The following PPP4R1 variants were observed in gnomAD, a reference collection of about 807,000 sequenced individuals.
PPP4R1 encodes serine/threonine-protein phosphatase 4 regulatory subunit 1.
PPP4R1 carries 42 observed loss-of-function variants against 111.2 expected under a neutral mutation model. The observed-to-expected ratio is 0.38, with a 90% confidence interval of 0.29 to 0.49. PPP4R1 has a LOEUF of 0.49. PPP4R1 is among the 20% of genes least tolerant of loss of function. The pLI is 0.97. For synonymous variants in PPP4R1, 409 were observed against 405.5 expected, an observed-to-expected ratio of 1.01 and a Z score of -0.10; for missense variants, 1,012 against 1,161.6, an observed-to-expected ratio of 0.87 and a Z score of 1.87.
chr18:9,584,236 G>C (rs1287578017), intron 8 of PPP4R1, among the ~76,000 whole-genome samples: 3 of 152,098 alleles, frequency 2.0e-5, no homozygotes. Flanking sequence ...TAAAATTAAA[G>C]GTTCAATTGA....
At chr18:9,607,783 CTTTTTTTT>C (rs59033925) in intron 2 of PPP4R1, among the ~76,000 whole-genome samples, 28 of 125,340 alleles carry the variant, frequency 2.2e-4, no homozygotes, top group Admixed American at 1.1e-3. Context: ...TTCTTTCTTT[CTTTTTTTT>C]TTTTTTTTTT....
In PPP4R1 at chr18:9,610,867, T is replaced by TACACAC. The variant is rs60173784; in HGVS notation, c.52+3353_52+3358dup. 8.8e-3 allele frequency among the ~76,000 whole-genome samples: 1,312 copies of TACACAC among 149,880 alleles called. 10 individuals are homozygous for TACACAC. The highest frequency in any genetic ancestry group is 0.015 in the African/African-American group (599 of 40,798). On this transcript the variant is annotated intron_variant, in intron 2 of 19. Transcript: ENST00000400556. ...GAAACTCCTTCAATGAAATTATGTG[T>TACACAC]ACACACACACACACACACACACACA...
chr18:9,578,000 TG>T (rs1164768132), intron 9 of PPP4R1, among the ~76,000 whole-genome samples: 1 of 152,220 alleles, frequency 6.6e-6, no homozygotes, highest in Admixed American at 6.5e-5. Context: ...ACAAAGATCT[TG>T]AAGCATATAC....
At chr18:9,555,527 G>A (rs2066558517) in intron 15 of PPP4R1, among the ~76,000 whole-genome samples, 1 of 152,058 alleles carries the variant, frequency 6.6e-6, no homozygotes, top group Non-Finnish European at 1.5e-5. Flanking sequence ...ATTTTACAAT[G>A]GAGTTGTCAG....
chr18:9,616,238 G>C (rs2067686417), upstream of PPP4R1, among the ~76,000 whole-genome samples: 1 of 148,044 alleles, frequency 6.8e-6, no homozygotes, highest in Admixed American at 6.9e-5. Context: ...GGGGAAGAAA[G>C]AGCCAAATCA....
At chr18:9,548,503 T>C (rs1050662646) in intron 19 of PPP4R1, among the ~76,000 whole-genome samples, 1 of 152,252 alleles carries the variant, frequency 6.6e-6, no homozygotes, top group South Asian at 2.1e-4. Flanking sequence ...GTCTCTTGCC[T>C]AATGAAGAGA....
intron 2 of PPP4R1, among the ~76,000 whole-genome samples, chr18:9,611,124 C>T (rs1408815280): frequency 6.6e-6 from 1 of 152,210 alleles, no homozygotes; most frequent in East Asian, 1.9e-4. Flanking sequence ...ACAGAACTTA[C>T]TGTCTCTTCC....
At chr18:9,554,456 C>G (rs1302927517) in intron 15 of PPP4R1, among the ~76,000 whole-genome samples, 2 of 151,434 alleles carry the variant, frequency 1.3e-5, no homozygotes, top group Admixed American at 6.6e-5. Flanking sequence ...ATTAATGTTA[C>G]TAAGAACAGA....
rs190160294 is a variant in PPP4R1 at position 9,559,517 on chromosome 18, G to A, written c.1930C>T (p.His644Tyr). ...AQTVDTEIAK[H>Y]CAYSLPGVAL... ...ACACCAGGGAGGCTATATGCACAGT[G>A]CTTAGCAATTTCAGTGTCAACCGTC... Residue 644 changes from histidine (H) to tyrosine (Y), a missense_variant, in exon 14 of 20, where the codon CAC (histidine) becomes TAC (tyrosine). Around this residue, in one of 2 missense-constraint regions of PPP4R1, gnomAD observed 305 missense variants for 419.5 expected, o/e 0.73. Coordinates refer to ENST00000400556, the MANE Select transcript of PPP4R1 (RefSeq NM_001042388.3). 2 of 1,613,814 alleles carry A rather than the reference G, an allele frequency of 1.2e-6. No individual in the cohort carries two copies. Among genetic ancestry groups the A allele is most frequent in the East Asian group, 4.5e-5 (2 of 44,886 alleles).
intron 2 of PPP4R1, among the ~76,000 whole-genome samples, chr18:9,608,937 G>T (rs1345609904): frequency 6.6e-6 from 1 of 152,156 alleles, no homozygotes; most frequent in African/African-American, 2.4e-5. Context: ...TCACAGGCAG[G>T]AACAAACAAA....
At chr18:9,591,090 G>A (rs1044469144) in intron 4 of PPP4R1, among the ~76,000 whole-genome samples, 3 of 152,268 alleles carry the variant, frequency 2.0e-5, no homozygotes, top group African/African-American at 7.2e-5. Context: ...GCTCATGTCT[G>A]TAATACCAGC....
Position 9,585,569 on chromosome 18 carries a change from A to G in PPP4R1, c.586-741T>C, listed in dbSNP as rs77881450. Among the ~76,000 whole-genome samples, 37 of 152,354 alleles carry G rather than the reference A, an allele frequency of 2.4e-4. No individual in the cohort carries two copies. In the East Asian group the frequency reaches 4.8e-3, roughly 20 times the overall value. On this transcript the variant is annotated intron_variant, in intron 6 of 19. Transcript: ENST00000400556. ...TACAAACAGGACAAAATAAAGAAGT[A>G]AAAGAGATACAGATTGCAAAGAAAG...
intron 4 of PPP4R1, chr18:9,590,101 G>A (rs1185408503): frequency 6.6e-6 from 1 of 152,154 alleles, no homozygotes; most frequent in Non-Finnish European, 1.5e-5. Context: ...AGACAGACAT[G>A]ATGGATTATC....
In PPP4R1 at chr18:9,547,964, A is replaced by T; in HGVS notation, c.2690-12T>A. The stretch of plus-strand genomic sequence containing the variant: ...GGCCAAGAAATAGTCTGGAAATGAC[A>T]TGTGCATAGGACAGATGAAACCAGT... On this transcript the variant is annotated splice_polypyrimidine_tract_variant and intron_variant, in intron 19 of 19. Coordinates refer to ENST00000400556, the MANE Select transcript of PPP4R1 (RefSeq NM_001042388.3). 6.2e-7 allele frequency: 1 copy of T among 1,613,500 alleles called. No individual in the cohort carries two copies. The highest frequency in any genetic ancestry group is 8.5e-7 in the Non-Finnish European group (1 of 1,179,886).
At chr18:9,606,412 A>G (rs1246176763) in intron 2 of PPP4R1, among the ~76,000 whole-genome samples, 1 of 152,244 alleles carries the variant, frequency 6.6e-6, no homozygotes, top group Non-Finnish European at 1.5e-5. Context: ...AACAAAGATC[A>G]TATGGTCCAC....
chr18:9,558,699 G>GC (rs10686779), intron 14 of PPP4R1, among the ~76,000 whole-genome samples: 38,911 of 147,970 alleles, frequency 0.26, 5,416 homozygotes, highest in Middle Eastern at 0.36. Flanking sequence ...TAATCAGACT[G>GC]TTTTTTTTTT....
At chr18:9,574,835 A>C (rs1476893985) in intron 10 of PPP4R1, among the ~76,000 whole-genome samples, 4 of 152,262 alleles carry the variant, frequency 2.6e-5, no homozygotes, top group Non-Finnish European at 5.9e-5. Context: ...GGATGGAACA[A>C]GAAGCTTCCC....
intron 2 of PPP4R1, among the ~76,000 whole-genome samples, chr18:9,598,589 A>AT: frequency 6.6e-6 from 1 of 152,036 alleles, no homozygotes; most frequent in Non-Finnish European, 1.5e-5. Context: ...TGAAATAAAG[A>AT]TTTTTTTCAG....
rs1489208659 is a variant in PPP4R1, at chr18:9,556,135, T to TG, written c.2190+1085_2190+1086insC. ...AAGATCCTGCCACTGCACTCCAGCC[T>TG]TGTGACAGAGCGAGACTCCGAATAT... is the stretch of plus-strand genomic sequence containing the variant. On this transcript the variant is annotated intron_variant, in intron 15 of 19. Transcript: ENST00000400556. 4.7e-4 allele frequency among the ~76,000 whole-genome samples: 70 copies of TG among 147,628 alleles called. 1 individual carries two copies. The highest frequency in any genetic ancestry group is 6.6e-4 in the Non-Finnish European group (44 of 67,042).
Sources: allele counts gnomAD v4.1 joint callset (sites outside exome capture counted in the v4.1 genomes callset), GRCh38; gene constraint gnomAD v4.1.1; regional missense constraint gnomAD v4.1.1; transcripts MANE v1.5; gene names NCBI Gene and HGNC (gene_info 2026-07-23, HGNC 2026-07-21).